The following TEF variants were observed in gnomAD, a reference collection of about 807,000 sequenced individuals.
The protein encoded by TEF is TEF transcription factor, PAR bZIP family member.
A neutral mutation model predicts 20.8 loss-of-function variants in TEF; 3 were observed. The observed-to-expected ratio is 0.14, with a 90% confidence interval of 0.07 to 0.37. TEF has a LOEUF of 0.37. Ranked by LOEUF, TEF falls within the 10% of genes least tolerant of loss-of-function variation. The pLI is 1.00. For missense variants in TEF, 296 were observed against 397.9 expected, an observed-to-expected ratio of 0.74 and a Z score of 2.18; for synonymous variants, 180 against 171.1, an observed-to-expected ratio of 1.05 and a Z score of -0.41.
chr22:41,372,202 C>G (rs1184435408), intron 1 of TEF, among the ~76,000 whole-genome samples: 2 of 152,200 alleles, frequency 1.3e-5, no homozygotes, highest in African/African-American at 4.8e-5. Context: ...TGGCTACCCT[C>G]AGGGCCAGTC....
chr22:41,379,901 A>G (rs1307765995), upstream of TEF, among the ~76,000 whole-genome samples: 1 of 139,728 alleles, frequency 7.2e-6, no homozygotes, highest in Admixed American at 7.3e-5. Flanking sequence ...CTCAAAAAAA[A>G]AAAAAAGAAA....
chr22:41,396,004 C>G lies in TEF; in HGVS notation c.*44C>G. ...GCGGGGTACTGCCTGCACCTCAGACCTCTGCCTGGGGGCTCCCTGTAACCC... is the reference window on the plus strand; with the variant it reads ...GCGGGGTACTGCCTGCACCTCAGACGTCTGCCTGGGGGCTCCCTGTAACCC... On this transcript the variant is annotated 3_prime_UTR_variant, in exon 4 of 4. Coordinates refer to ENST00000266304, the MANE Select transcript of TEF (RefSeq NM_003216.4). The G allele has an allele frequency of 6.3e-7, 1 of 1,581,276 alleles. No homozygotes were observed. The highest frequency in any genetic ancestry group is 1.1e-5 in the South Asian group (1 of 88,240).
rs2037251424 is a variant in TEF at position 41,398,074 on chromosome 22, A to C, written c.*2114A>C. ...GGCAGTGGGTATCGGGTTCTTTCCC[A>C]AAGTGCTTACTTGGAAAGAGTGTGG... is the stretch of plus-strand genomic sequence containing the variant. On this transcript the variant is annotated 3_prime_UTR_variant, in exon 4 of 4. Coordinates refer to ENST00000266304, the MANE Select transcript of TEF (RefSeq NM_003216.4). The C allele has an allele frequency of 6.6e-6, 1 of 151,970 alleles. No individual in the cohort carries two copies. Among genetic ancestry groups the C allele is most frequent in the African/African-American group, 2.4e-5 (1 of 41,344 alleles). The allele number at this position is 151,970 out of a possible 1,614,324, so 9.4% of individuals were successfully genotyped here.
chr22:41,380,135 C>T (rs181792946), upstream of TEF, among the ~76,000 whole-genome samples: 1 of 152,136 alleles, frequency 6.6e-6, no homozygotes, highest in African/African-American at 2.4e-5. Flanking sequence ...CCTCCTTACC[C>T]CGCCGCAAAA....
At chr22:41,369,900 T>C in intron 1 of TEF, 1 of 985,400 alleles carries the variant, frequency 1.0e-6, no homozygotes, top group Non-Finnish European at 1.2e-6. Flanking sequence ...AGTTATCTCT[T>C]TGGATGACTG....
At chr22:41,367,589 G>C (rs759009337) in exon 1 of TEF, 3 of 1,551,336 alleles carry the variant, frequency 1.9e-6, no homozygotes, top group Non-Finnish European at 2.6e-6. Flanking sequence ...CTTGGCCAGA[G>C]AAGAGAACAG....
At position 41,388,892 on chromosome 22, in the gene TEF, G is replaced by A. The variant is rs1379081638; in HGVS notation, c.475+1224G>A. On this transcript the variant is annotated intron_variant, in intron 2 of 3. Transcript: ENST00000266304. The stretch of plus-strand genomic sequence containing the variant: ...AAATTTTTTCAAACAAAATACAAAA[G>A]TAAGAGACGACTATAATGAACCTCT... Among the ~76,000 whole-genome samples, 6 of 151,786 alleles carry A rather than the reference G, an allele frequency of 4.0e-5. No homozygotes were observed. In the South Asian group the frequency reaches 1.0e-3, roughly 26 times the overall value.
chr22:41,394,035 TG>T, intron 2 of TEF, 60 bp from the exon 3 acceptor site: 4 of 1,493,518 alleles, frequency 2.7e-6, no homozygotes, highest in Non-Finnish European at 3.7e-6. Flanking sequence ...TCTGGGTGTG[TG>T]GCGTGGGTCT....
In TEF at chr22:41,387,638, T is replaced by C. The variant is rs1304682103; in HGVS notation, c.445T>C (p.Phe149Leu). The change falls in exon 2 of 4, where the codon TTT becomes CTT. Residue 149 changes from phenylalanine to leucine, a missense_variant. Phe to Leu is a conservative substitution (Grantham distance 22). Around this residue, in one of 2 missense-constraint regions of TEF, gnomAD observed 194 missense variants for 317.8 expected, o/e 0.61. Transcript: ENST00000266304. ...ASPPSSSTAI[F>L]QPSETVSSTE... ...CCCACCATCCTCCTCCACTGCCATC[T>C]TTCAGCCCTCTGAAACCGTGTCCAG... 6.2e-7 allele frequency: 1 copy of C among 1,613,946 alleles called. No individual in the cohort carries two copies. The highest frequency in any genetic ancestry group is 8.5e-7 in the Non-Finnish European group (1 of 1,179,974).
intron 1 of TEF, among the ~76,000 whole-genome samples, chr22:41,372,821 G>A (rs1271111999): frequency 6.6e-6 from 1 of 151,860 alleles, no homozygotes; most frequent in African/African-American, 2.4e-5. Context: ...TTTGAACTGA[G>A]GCCTGGAGGC....
chr22:41,387,940 A>G (rs985859228), intron 2 of TEF, among the ~76,000 whole-genome samples: 15 of 142,202 alleles, frequency 1.1e-4, no homozygotes, highest in Non-Finnish European at 1.8e-4. Context: ...AGGCCACGGC[A>G]TTACAGGATA....
chr22:41,381,152 G>A (rs1489194321), upstream of TEF, among the ~76,000 whole-genome samples: 1 of 152,270 alleles, frequency 6.6e-6, no homozygotes, highest in Non-Finnish European at 1.5e-5. Flanking sequence ...GCCTGCTCAG[G>A]CCATCCCTAC....
In TEF at chr22:41,387,571, A is replaced by G. The variant is rs2037113386; in HGVS notation, c.378A>G (p.Ala126=). The change falls in exon 2 of 4, where the codon GCA becomes GCG. Residue 126 remains alanine (A), a synonymous_variant. Coordinates refer to ENST00000266304, the MANE Select transcript of TEF (RefSeq NM_003216.4). ...CCCACAACCTGCTGCTGCCTGTAGC[A>G]GAGCTAGAAGGGAAGGAGTCTGCCA... is the stretch of plus-strand genomic sequence containing the variant. ...HLAHNLLLPV[A]ELEGKESASS... is the part of the protein sequence containing the mutation. 3 of 1,614,188 alleles carry G rather than the reference A, an allele frequency of 1.9e-6. No individual in the cohort carries two copies. Among genetic ancestry groups the G allele is most frequent in the Non-Finnish European group, 2.5e-6 (3 of 1,180,024 alleles).
chr22:41,383,610 A>G (rs1465970647), intron 1 of TEF, among the ~76,000 whole-genome samples: 1 of 152,036 alleles, frequency 6.6e-6, no homozygotes, highest in African/African-American at 2.4e-5. Flanking sequence ...ATAACTTTTG[A>G]CCCTCAGTTT....
chr22:41,372,833 T>C (rs1279002238), intron 1 of TEF, among the ~76,000 whole-genome samples: 1 of 151,898 alleles, frequency 6.6e-6, no homozygotes, highest in Admixed American at 6.6e-5. Flanking sequence ...CCTGGAGGCC[T>C]GGAGGGTGAG....
chr22:41,393,340 CAAA>C (rs34533572), intron 2 of TEF, among the ~76,000 whole-genome samples: 30 of 127,700 alleles, frequency 2.3e-4, no homozygotes, highest in Admixed American at 2.4e-4. Flanking sequence ...GACCCTGTCT[CAAA>C]AAAAAAAAAA....
intron 3 of TEF, among the ~76,000 whole-genome samples, chr22:41,394,782 C>T (rs1408089562): frequency 1.3e-5 from 2 of 152,218 alleles, no homozygotes; most frequent in Non-Finnish European, 2.9e-5. Flanking sequence ...AAACTTACAG[C>T]AAGGATTTTT....
At chr22:41,382,883 C>G in intron 1 of TEF, 1 of 470,968 alleles carries the variant, frequency 2.1e-6, no homozygotes, top group Admixed American at 2.4e-5. Flanking sequence ...GGCCCTTCGC[C>G]TGGTTGGTTG....
At chr22:41,388,903 C>T (rs936733468) in intron 2 of TEF, among the ~76,000 whole-genome samples, 5 of 152,046 alleles carry the variant, frequency 3.3e-5, no homozygotes, top group Non-Finnish European at 5.9e-5. Context: ...TAAGAGACGA[C>T]TATAATGAAC....
Sources: gnomAD v4.1 joint callset for allele counts (sites outside exome capture counted in the v4.1 genomes callset) on GRCh38, gnomAD v4.1.1 for gene constraint, gnomAD v4.1.1 regional missense constraint, MANE v1.5 for transcripts, NCBI Gene and HGNC (gene_info 2026-07-23, HGNC 2026-07-21) for gene names.